The following TMEM132C variants were observed in gnomAD, a reference collection of about 807,000 sequenced individuals.
TMEM132C encodes the protein transmembrane protein 132C, also known as protein phosphatase 1, regulatory subunit 152.
TMEM132C carries 29 observed loss-of-function variants against 61.4 expected under a neutral mutation model. The ratio of observed to expected loss-of-function variants is 0.47; its 90% CI spans 0.35 to 0.64. The LOEUF (loss-of-function observed/expected upper bound fraction) is 0.64, where lower values mean the gene tolerates loss of function less well. Ranked by LOEUF, TMEM132C falls within the 30% of genes least tolerant of loss-of-function variation. The pLI is 0.00. For missense variants in TMEM132C, 1,408 were observed against 1,476.9 expected, an observed-to-expected ratio of 0.95 and a Z score of 0.76; for synonymous variants, 656 against 633.1, an observed-to-expected ratio of 1.04 and a Z score of -0.54.
intron 2 of TMEM132C, among the ~76,000 whole-genome samples, chr12:128,461,827 A>G (rs1431332295): frequency 6.6e-6 from 1 of 152,042 alleles, no homozygotes; most frequent in Non-Finnish European, 1.5e-5. Flanking sequence ...CCCAAGCCCC[A>G]CCTTCCAGAA....
At chr12:128,688,094 G>C (rs1357536859) in intron 5 of TMEM132C, among the ~76,000 whole-genome samples, 1 of 152,220 alleles carries the variant, frequency 6.6e-6, no homozygotes, top group Admixed American at 6.5e-5. Flanking sequence ...GAGAGGTTCC[G>C]GACTACTACT....
At position 128,469,361 on chromosome 12, in the gene TMEM132C, C is replaced by T. The variant is rs1423629571; in HGVS notation, c.974+53741C>T. ...TTTTTTTTTTTGACAGGATCTCACTCTGTTGCCCAGGCTGGAGTGCAGTGG... is the reference window on the plus strand; with the variant it reads ...TTTTTTTTTTTGACAGGATCTCACTTTGTTGCCCAGGCTGGAGTGCAGTGG... On this transcript the variant is annotated intron_variant, in intron 2 of 8. Transcript: ENST00000435159. 2.8e-5 allele frequency among the ~76,000 whole-genome samples: 4 copies of T among 144,920 alleles called. No homozygotes were observed. The East Asian group carries it at 8.0e-4, about 29-fold the overall frequency.
At chr12:128,579,126 G>A (rs1397426091) in intron 3 of TMEM132C, among the ~76,000 whole-genome samples, 2 of 152,208 alleles carry the variant, frequency 1.3e-5, no homozygotes, top group Non-Finnish European at 2.9e-5. Flanking sequence ...GGAGTGGCCA[G>A]TGGCGCCATC....
intron 2 of TMEM132C, among the ~76,000 whole-genome samples, chr12:128,518,755 T>G (rs563500591): frequency 0.014 from 2,115 of 151,840 alleles, 46 homozygotes; most frequent in African/African-American, 0.049. Flanking sequence ...TGTGTGTGTG[T>G]GGTGTGTGTG....
chr12:128,483,231 G>A (rs552962103), intron 2 of TMEM132C, among the ~76,000 whole-genome samples: 1 of 95,468 alleles, frequency 1.0e-5, no homozygotes, highest in Admixed American at 1.3e-4. Flanking sequence ...TTATGCCACT[G>A]CACTCCAGCC....
At chr12:128,509,530 C>T (rs902505808) in intron 2 of TMEM132C, among the ~76,000 whole-genome samples, 3 of 152,156 alleles carry the variant, frequency 2.0e-5, no homozygotes, top group Non-Finnish European at 4.4e-5. Flanking sequence ...AAGAAGGAGG[C>T]AGTTTTTGCA....
chr12:128,320,953 C>A (rs1314800048), intron 1 of TMEM132C, among the ~76,000 whole-genome samples: 1 of 151,598 alleles, frequency 6.6e-6, no homozygotes, highest in Non-Finnish European at 1.5e-5. Flanking sequence ...AGGGGTGTGT[C>A]AATTAGGCAC....
chr12:128,578,159 G>C (rs547395716), intron 3 of TMEM132C, among the ~76,000 whole-genome samples: 1 of 152,382 alleles, frequency 6.6e-6, no homozygotes, highest in East Asian at 1.9e-4. Flanking sequence ...CTCCACGCCA[G>C]TGGAGCTGAG....
At chr12:128,395,345 A>G (rs1304082546) in intron 1 of TMEM132C, among the ~76,000 whole-genome samples, 1 of 152,126 alleles carries the variant, frequency 6.6e-6, no homozygotes, top group African/African-American at 2.4e-5. Context: ...TAATTGTGTA[A>G]TAATGGTAAC....
chr12:128,300,880 A>AG (rs1871573698), intron 1 of TMEM132C, among the ~76,000 whole-genome samples: 1 of 152,184 alleles, frequency 6.6e-6, no homozygotes, highest in South Asian at 2.1e-4. Flanking sequence ...TCTACAAAAA[A>AG]AAATTCAGAA....
chr12:128,516,413 G>A (rs1444901211), intron 2 of TMEM132C, among the ~76,000 whole-genome samples: 1 of 152,150 alleles, frequency 6.6e-6, no homozygotes, highest in African/African-American at 2.4e-5. Flanking sequence ...TTCCATAGCG[G>A]GCAACTTAAT....
intron 1 of TMEM132C, among the ~76,000 whole-genome samples, chr12:128,327,524 A>G (rs532228975): frequency 6.6e-6 from 1 of 151,790 alleles, no homozygotes; most frequent in Non-Finnish European, 1.5e-5. Context: ...CTGGGACTAC[A>G]GGTGCCCACC....
intron 2 of TMEM132C, among the ~76,000 whole-genome samples, chr12:128,459,325 C>T (rs1418463511): frequency 6.6e-6 from 1 of 152,192 alleles, no homozygotes. Context: ...GAAAGCCTCC[C>T]TCAGGAGCCT....
At chr12:128,674,676 A>AT (rs1434797131) in intron 5 of TMEM132C, among the ~76,000 whole-genome samples, 4 of 151,548 alleles carry the variant, frequency 2.6e-5, no homozygotes, top group Non-Finnish European at 4.4e-5. Flanking sequence ...CCCTTTATTT[A>AT]TTTTTTCATT....
At chr12:128,306,448 C>T (rs1336958681) in intron 1 of TMEM132C, among the ~76,000 whole-genome samples, 3 of 152,044 alleles carry the variant, frequency 2.0e-5, no homozygotes, top group Non-Finnish European at 4.4e-5. Flanking sequence ...GTGATCTGCC[C>T]ACCTCGGCCT....
chr12:128,539,146 C>T (rs1422167918), intron 2 of TMEM132C, among the ~76,000 whole-genome samples: 1 of 152,198 alleles, frequency 6.6e-6, no homozygotes, highest in Non-Finnish European at 1.5e-5. Flanking sequence ...GCCTCATGCT[C>T]TGCTGTTATT....
chr12:128,326,631 C>T lies in TMEM132C; in HGVS notation c.85+59144C>T, dbSNP rs1872526333. The stretch of plus-strand genomic sequence containing the variant: ...CTCCTGCAAAGCCCCAGGATTACAG[C>T]GTGGGTAATTAGACTGTCACTCTCG... On this transcript the variant is annotated intron_variant, in intron 1 of 8. Coordinates refer to ENST00000435159, the MANE Select transcript of TMEM132C (RefSeq NM_001136103.3). This position sits in a 1 kb window ranked among gnomAD's most constrained non-coding sequence, Gnocchi z 5.6. 6.6e-6 allele frequency among the ~76,000 whole-genome samples: 1 copy of T among 152,040 alleles called. No individual in the cohort carries two copies. The highest frequency in any genetic ancestry group is 1.5e-5 in the Non-Finnish European group (1 of 68,018).
intron 1 of TMEM132C, among the ~76,000 whole-genome samples, chr12:128,382,736 C>T (rs577177029): frequency 6.6e-6 from 1 of 152,284 alleles, no homozygotes; most frequent in Non-Finnish European, 1.5e-5. Context: ...ATGTTTTAAC[C>T]TTTCTCCTAT....
intron 2 of TMEM132C, among the ~76,000 whole-genome samples, chr12:128,444,752 C>T (rs185144520): frequency 2.8e-3 from 421 of 152,322 alleles, no homozygotes; most frequent in Middle Eastern, 6.8e-3. Flanking sequence ...TCTTGCGTGG[C>T]CCCACGTCCT....
Sources: gnomAD v4.1 joint callset for allele counts (sites outside exome capture counted in the v4.1 genomes callset) on GRCh38, gnomAD v4.1.1 for gene constraint, Gnocchi (gnomAD v3.1) non-coding constraint, MANE v1.5 for transcripts, NCBI Gene and HGNC (gene_info 2026-07-23, HGNC 2026-07-21) for gene names.